The following RIMBP2 variants were observed in gnomAD, a reference collection of about 807,000 sequenced individuals.
RIMBP2 encodes RIMS binding protein 2, also known as RIMS-binding protein 2.
RIMBP2 carries 48 observed loss-of-function variants against 118.6 expected under a neutral mutation model. That is an observed-to-expected ratio of 0.40 (90% CI 0.32 to 0.51). The LOEUF (loss-of-function observed/expected upper bound fraction) is 0.51, where lower values mean the gene tolerates loss of function less well. Ranked by LOEUF, RIMBP2 falls within the 20% of genes least tolerant of loss-of-function variation. RIMBP2 has a pLI of 0.41. For synonymous variants in RIMBP2, 762 were observed against 742.9 expected, an observed-to-expected ratio of 1.03 and a Z score of -0.42; for missense variants, 1,551 against 1,768.3, an observed-to-expected ratio of 0.88 and a Z score of 2.20.
In RIMBP2 at chr12:130,523,114, C is replaced by T. The variant is rs2052344918; in HGVS notation, c.-216-5197G>A. ...TGTTTCTCTGCTTCTTCTGTCTCTCCCAGTCTCACTCTGCCTCTCTCTCTC... is the reference window on the plus strand; with the variant it reads ...TGTTTCTCTGCTTCTTCTGTCTCTCTCAGTCTCACTCTGCCTCTCTCTCTC... On this transcript the variant is annotated intron_variant, in intron 2 of 22. Transcript: ENST00000690449. This position sits in a 1 kb window ranked among gnomAD's most constrained non-coding sequence, Gnocchi z 4.4. Among the ~76,000 whole-genome samples the T allele has an allele frequency of 6.6e-6, 1 of 151,768 alleles. No homozygotes were observed. The highest frequency in any genetic ancestry group is 6.6e-5 in the Admixed American group (1 of 15,234).
At chr12:130,438,329 TAACA>T in intron 12 of RIMBP2, 32 bp downstream of exon 12, 1 of 1,466,572 alleles carries the variant, frequency 6.8e-7, no homozygotes, top group East Asian at 2.3e-5. Flanking sequence ...CGTTAGGGCC[TAACA>T]AACCCTCCCC....
In RIMBP2 at chr12:130,436,833, C is replaced by A; in HGVS notation, c.2106+9G>T. 1 of 1,392,604 alleles carries A rather than the reference C, an allele frequency of 7.2e-7. No homozygotes were observed. Among genetic ancestry groups the A allele is most frequent in the Non-Finnish European group, 9.3e-7 (1 of 1,072,836 alleles). The allele number at this position is 1,392,604 out of a possible 1,614,324, so 86.3% of individuals were successfully genotyped here. ...TGAGGAGCCACCGAGGCGGGAGCCCCAGCCTTACCCTGCTGCTCTCGGCCA... is the reference window on the plus strand; with the variant it reads ...TGAGGAGCCACCGAGGCGGGAGCCCAAGCCTTACCCTGCTGCTCTCGGCCA... On this transcript the variant is annotated intron_variant, in intron 13 of 22. Transcript: ENST00000690449.
At chr12:130,462,596 T>G (rs1488453041) in intron 6 of RIMBP2, among the ~76,000 whole-genome samples, 1 of 152,194 alleles carries the variant, frequency 6.6e-6, no homozygotes, top group Non-Finnish European at 1.5e-5. Context: ...GCTCCTGCGG[T>G]CTCAGGCACA....
At position 130,428,429 on chromosome 12, in the gene RIMBP2, G is replaced by A. The variant is rs892194800; in HGVS notation, c.2254-92C>T. 5.9e-6 allele frequency: 8 copies of A among 1,360,760 alleles called. No individual in the cohort carries two copies. The East Asian group carries it at 9.6e-5, about 16-fold the overall frequency. The allele number at this position is 1,360,760 out of a possible 1,614,324, so 84.3% of individuals were successfully genotyped here. ...AGCTTGCCAACCCTTTCCCTGCTTCGCTGACTCACGGGGCTCACAGGCCTA... is the reference window on the plus strand; with the variant it reads ...AGCTTGCCAACCCTTTCCCTGCTTCACTGACTCACGGGGCTCACAGGCCTA... On this transcript the variant is annotated intron_variant, in intron 14 of 22. Coordinates refer to ENST00000690449, the MANE Select transcript of RIMBP2 (RefSeq NM_001393629.1).
chr12:130,420,034 G>A lies in RIMBP2; in HGVS notation c.3238+2419C>T, dbSNP rs918767331. ...TACAGACTTAATTTCCTCTGAAAAA[G>A]ATAAGTAATCCTTTGAAATATAGAT... On this transcript the variant is annotated intron_variant, in intron 17 of 22. Transcript: ENST00000690449. The surrounding 1 kb of genome is among the most constrained non-coding windows in gnomAD (Gnocchi z 4.3). 6.6e-6 allele frequency among the ~76,000 whole-genome samples: 1 copy of A among 152,158 alleles called. No homozygotes were observed. The highest frequency in any genetic ancestry group is 1.5e-5 in the Non-Finnish European group (1 of 68,018).
rs150644663 is a variant in RIMBP2, at chr12:130,707,087, C to T, written c.-352+9135G>A. 4.9e-3 allele frequency among the ~76,000 whole-genome samples: 743 copies of T among 152,306 alleles called. 4 individuals are homozygous for T. Among genetic ancestry groups the T allele is most frequent in the Non-Finnish European group, 4.3e-3 (292 of 68,016 alleles). On this transcript the variant is annotated intron_variant, in intron 1 of 22. Coordinates refer to ENST00000690449, the MANE Select transcript of RIMBP2 (RefSeq NM_001393629.1). Reference sequence around the variant, plus strand: ...CTCTTTCCTGTTCTTGAGCAGGGCCCGGGCGTGAGAGCTGAAGCAGGCCGG... The same window carrying T: ...CTCTTTCCTGTTCTTGAGCAGGGCCTGGGCGTGAGAGCTGAAGCAGGCCGG...
chr12:130,639,050 T>C (rs1258841138), intron 1 of RIMBP2, among the ~76,000 whole-genome samples: 1 of 152,198 alleles, frequency 6.6e-6, no homozygotes, highest in African/African-American at 2.4e-5. Flanking sequence ...GGGAACTCCC[T>C]GTACTCTTTG....
At chr12:130,641,804 A>C (rs1214898359) in intron 1 of RIMBP2, among the ~76,000 whole-genome samples, 1 of 152,124 alleles carries the variant, frequency 6.6e-6, no homozygotes, top group East Asian at 1.9e-4. Flanking sequence ...AGAGTGGTCA[A>C]CACAGCAAGG....
At chr12:130,631,121 A>G (rs571487459) in intron 1 of RIMBP2, among the ~76,000 whole-genome samples, 121 of 152,328 alleles carry the variant, frequency 7.9e-4, no homozygotes, top group African/African-American at 2.8e-3. Context: ...ATCTAGAGAA[A>G]AGAGAGACTC....
intron 21 of RIMBP2, 67 bp from the exon 22 acceptor site, chr12:130,399,880 A>G (rs1402707431): frequency 2.6e-6 from 4 of 1,550,486 alleles, no homozygotes; most frequent in Non-Finnish European, 3.5e-6. Context: ...TGCTTTGGCT[A>G]AAGGAATACA....
At chr12:130,708,905 C>A (rs1173337070) in intron 1 of RIMBP2, among the ~76,000 whole-genome samples, 2 of 152,186 alleles carry the variant, frequency 1.3e-5, no homozygotes, top group East Asian at 3.9e-4. Flanking sequence ...CGCGGTCAGG[C>A]AGCCCGGGTT....
intron 1 of RIMBP2, among the ~76,000 whole-genome samples, chr12:130,663,933 G>A (rs1041490464): frequency 5.9e-5 from 9 of 151,684 alleles, no homozygotes; most frequent in Non-Finnish European, 1.0e-4. Context: ...TTGAATAAGC[G>A]CTGTCTTCAC....
intron 1 of RIMBP2, among the ~76,000 whole-genome samples, chr12:130,701,633 C>T (rs565624039): frequency 1.3e-5 from 2 of 152,170 alleles, no homozygotes; most frequent in East Asian, 1.9e-4. Context: ...ACTGTGAGAC[C>T]GACTGTAGCA....
intron 2 of RIMBP2, among the ~76,000 whole-genome samples, chr12:130,534,943 A>G (rs1448744856): frequency 6.6e-6 from 1 of 152,186 alleles, no homozygotes; most frequent in Non-Finnish European, 1.5e-5. Context: ...TGGGGCCACT[A>G]TTATTTTTGA....
chr12:130,524,845 G>A (rs1044944492), intron 2 of RIMBP2, among the ~76,000 whole-genome samples: 8 of 152,174 alleles, frequency 5.3e-5, no homozygotes, highest in South Asian at 2.1e-4. Context: ...GCTTGGTGAC[G>A]AGAAAAGAAG....
chr12:130,646,767 A>G (rs1028319787), intron 1 of RIMBP2, among the ~76,000 whole-genome samples: 1 of 152,254 alleles, frequency 6.6e-6, no homozygotes, highest in African/African-American at 2.4e-5. Context: ...TCCAGGGGCG[A>G]ATGATTTATT....
chr12:130,482,207 C>T (rs527577742), intron 4 of RIMBP2, among the ~76,000 whole-genome samples: 1 of 152,224 alleles, frequency 6.6e-6, no homozygotes, highest in Admixed American at 6.5e-5. Flanking sequence ...TCTCTGCAGA[C>T]CCTCATGAGG....
chr12:130,587,083 C>T (rs1289973047), intron 2 of RIMBP2, among the ~76,000 whole-genome samples: 5 of 139,030 alleles, frequency 3.6e-5, no homozygotes, highest in African/African-American at 1.4e-4. Context: ...AAAAAATGCT[C>T]GTCATCACTG....
chr12:130,560,305 G>T (rs56719727), intron 2 of RIMBP2, among the ~76,000 whole-genome samples: 29,535 of 151,834 alleles, frequency 0.19, 2,911 homozygotes, highest in Middle Eastern at 0.3. Context: ...ATTTAATTTG[G>T]GGGGAGGGCA....
Sources: gnomAD v4.1 joint callset for allele counts (sites outside exome capture counted in the v4.1 genomes callset) on GRCh38, gnomAD v4.1.1 for gene constraint, Gnocchi (gnomAD v3.1) non-coding constraint, MANE v1.5 for transcripts, NCBI Gene and HGNC (gene_info 2026-07-23, HGNC 2026-07-21) for gene names.